GRIK4: variants seen among roughly 807,000 people sequenced by gnomAD.
The protein encoded by GRIK4 is glutamate ionotropic receptor kainate type subunit 4.
In GRIK4, 40 loss-of-function variants were observed where a neutral mutation model predicts 104.9. That is an observed-to-expected ratio of 0.38 (90% CI 0.30 to 0.50). The LOEUF (loss-of-function observed/expected upper bound fraction) is 0.50, where lower values mean the gene tolerates loss of function less well. GRIK4 is among the 20% of genes least tolerant of loss of function. The pLI is 0.93. For missense variants in GRIK4, 1,047 were observed against 1,308.1 expected (o/e 0.80, Z 3.08); for synonymous variants, 485 against 524.9 (o/e 0.92, Z 1.04).
At chr11:120,947,638 G>A (rs1943894439) in intron 14 of GRIK4, among the ~76,000 whole-genome samples, 1 of 152,132 alleles carries the variant, frequency 6.6e-6, no homozygotes, top group African/African-American at 2.4e-5. Context: ...TAACATGATA[G>A]CCCATATAAT....
intron 1 of GRIK4, among the ~76,000 whole-genome samples, chr11:120,566,851 G>A (rs923233934): frequency 2.0e-5 from 3 of 151,624 alleles, no homozygotes; most frequent in Non-Finnish European, 4.4e-5. Context: ...CTACAGGCGC[G>A]TGCCATCACA....
At chr11:120,566,671 A>G (rs1439995497) in intron 1 of GRIK4, among the ~76,000 whole-genome samples, 1 of 151,624 alleles carries the variant, frequency 6.6e-6, no homozygotes, top group Non-Finnish European at 1.5e-5. Flanking sequence ...GTCTAGGGAC[A>G]TATCACAAGA....
intron 1 of GRIK4, among the ~76,000 whole-genome samples, chr11:120,533,387 C>A (rs1189356101): frequency 6.6e-6 from 1 of 152,202 alleles, no homozygotes; most frequent in Non-Finnish European, 1.5e-5. Context: ...AACAACCCTG[C>A]ATACAGGTAC....
At chr11:120,874,043 G>T (rs376835325) in intron 9 of GRIK4, 23 bp from the exon 10 acceptor site, 3 of 1,566,732 alleles carry the variant, frequency 1.9e-6, no homozygotes, top group Admixed American at 1.7e-5. Context: ...CCCTCCCTCC[G>T]CCTGCTCCCC....
intron 1 of GRIK4, among the ~76,000 whole-genome samples, chr11:120,542,933 A>G (rs374331379): frequency 6.6e-6 from 1 of 152,390 alleles, no homozygotes. Flanking sequence ...GGCTCCCAGC[A>G]TATGCTTTTT....
intron 6 of GRIK4, 28 bp from the exon 7 acceptor site, chr11:120,831,824 C>T (rs982159250): frequency 6.3e-7 from 1 of 1,589,982 alleles, no homozygotes; most frequent in Non-Finnish European, 8.6e-7. Flanking sequence ...TGTGGACCCT[C>T]AGGGGCTTCA....
At position 120,986,633 on chromosome 11, in the gene GRIK4, G is replaced by A. The variant is rs1233554806; in HGVS notation, c.*373G>A. 3 of 190,770 alleles carry A rather than the reference G, an allele frequency of 1.6e-5. No homozygotes were observed. The highest frequency in any genetic ancestry group is 1.1e-5 in the Non-Finnish European group (1 of 94,950). The allele number at this position is 190,770 out of a possible 1,614,324, so 11.8% of individuals were successfully genotyped here. On this transcript the variant is annotated 3_prime_UTR_variant, in exon 21 of 21. Coordinates refer to ENST00000527524, the MANE Select transcript of GRIK4 (RefSeq NM_014619.5). Reference sequence around the variant, plus strand: ...CATCAGTTGAATTTCCCCCTAGTCAGGGGCCAATGTACCCTCCGTCTAGTT... The same window carrying A: ...CATCAGTTGAATTTCCCCCTAGTCAAGGGCCAATGTACCCTCCGTCTAGTT...
At chr11:120,634,145 T>A (rs1949366839) in intron 1 of GRIK4, among the ~76,000 whole-genome samples, 1 of 152,166 alleles carries the variant, frequency 6.6e-6, no homozygotes, top group Non-Finnish European at 1.5e-5. Context: ...CGATAATATA[T>A]GTAAAGTGCT....
intron 3 of GRIK4, among the ~76,000 whole-genome samples, chr11:120,720,628 G>T (rs1950915203): frequency 6.6e-6 from 1 of 152,178 alleles, no homozygotes; most frequent in African/African-American, 2.4e-5. Flanking sequence ...GGAGATCAGA[G>T]AAATTTGGGA....
chr11:120,732,469 T>C (rs1951152246), intron 3 of GRIK4, among the ~76,000 whole-genome samples: 1 of 152,212 alleles, frequency 6.6e-6, no homozygotes, highest in Non-Finnish European at 1.5e-5. Flanking sequence ...TTAGGTTATT[T>C]ATTTGAAATT....
At chr11:120,659,764 C>G (rs1265904000) in intron 2 of GRIK4, among the ~76,000 whole-genome samples, 1 of 152,240 alleles carries the variant, frequency 6.6e-6, no homozygotes, top group East Asian at 1.9e-4. Flanking sequence ...AAGGCTCGCT[C>G]TGTCGTCCAG....
chr11:120,922,568 C>T (rs190659843), intron 13 of GRIK4, among the ~76,000 whole-genome samples: 10 of 152,296 alleles, frequency 6.6e-5, no homozygotes, highest in East Asian at 5.8e-4. Flanking sequence ...GTTCGATGTG[C>T]GTACTGCCTG....
chr11:120,794,472 A>T (rs1172375982), intron 3 of GRIK4, among the ~76,000 whole-genome samples: 1 of 151,726 alleles, frequency 6.6e-6, no homozygotes, highest in African/African-American at 2.4e-5. Flanking sequence ...TCAGAATGTG[A>T]CTCTATTTGG....
chr11:120,660,823 C>T (rs1949801716), intron 3 of GRIK4, among the ~76,000 whole-genome samples: 1 of 152,110 alleles, frequency 6.6e-6, no homozygotes, highest in Admixed American at 6.5e-5. Flanking sequence ...TTGGAAGAAG[C>T]CAGGAGTCTG....
intron 3 of GRIK4, among the ~76,000 whole-genome samples, chr11:120,796,808 G>A (rs1952527223): frequency 6.6e-6 from 1 of 151,956 alleles, no homozygotes; most frequent in South Asian, 2.1e-4. Context: ...AGGTTCTGAG[G>A]ACCTTGAGCG....
Position 120,889,588 on chromosome 11 carries a change from CATTTTTTTTT to C in GRIK4, c.1165-8943_1165-8934del, listed in dbSNP as rs1219399636. Among the ~76,000 whole-genome samples the C allele has an allele frequency of 1.5e-4, 10 of 67,148 alleles. 2 individuals carry two copies. In the East Asian group the frequency reaches 2.9e-3, roughly 19 times the overall value. The allele number at this position is 67,148 out of a possible 152,430, so 44.1% of individuals were successfully genotyped here. On this transcript the variant is annotated intron_variant, in intron 11 of 20. Coordinates refer to ENST00000527524, the MANE Select transcript of GRIK4 (RefSeq NM_014619.5). Reference sequence around the variant, plus strand: ...AATAGAATAAAATAGAAAGAGCTTACATTTTTTTTTTTTTTTTTTTTTTTTTTTTTTATGA... The same window carrying C: ...AATAGAATAAAATAGAAAGAGCTTACTTTTTTTTTTTTTTTTTTTTTATGA...
intron 18 of GRIK4, among the ~76,000 whole-genome samples, chr11:120,964,541 G>A (rs908569780): frequency 6.6e-6 from 1 of 152,154 alleles, no homozygotes; most frequent in African/African-American, 2.4e-5. Flanking sequence ...CAAGATGGTA[G>A]CGTGAACTGC....
intron 1 of GRIK4, among the ~76,000 whole-genome samples, chr11:120,565,112 G>A (rs1348486314): frequency 6.6e-6 from 1 of 152,212 alleles, no homozygotes; most frequent in Non-Finnish European, 1.5e-5. Flanking sequence ...GGCAGCGTGG[G>A]AGGACGGGCT....
rs1289554882 is a variant in GRIK4 at position 120,953,028 on chromosome 11, TG to T, written c.1700+68del. 10 of 787,600 alleles carry T rather than the reference TG, an allele frequency of 1.3e-5. No individual in the cohort carries two copies. The South Asian group carries it at 1.4e-4, about 11-fold the overall frequency. 48.8% of individuals were successfully genotyped at this position (787,600 alleles called of 1,614,324 possible). On this transcript the variant is annotated intron_variant, in intron 15 of 20. Coordinates refer to ENST00000527524, the MANE Select transcript of GRIK4 (RefSeq NM_014619.5). The surrounding 1 kb of genome is among the most constrained non-coding windows in gnomAD (Gnocchi z 4.9). ...CTCGTGTCCACCTCTGGGAACTGCA[TG>T]GGGAGGGGGTGGGGAGGAGGAGAGG... is the stretch of plus-strand genomic sequence containing the variant.
Sources: allele counts gnomAD v4.1 joint callset (sites outside exome capture counted in the v4.1 genomes callset), GRCh38; gene constraint gnomAD v4.1.1; non-coding constraint Gnocchi (gnomAD v3.1); transcripts MANE v1.5; gene names NCBI Gene and HGNC (gene_info 2026-07-23, HGNC 2026-07-21).